Variants in RARRES1 observed in about 807,000 individuals in gnomAD.
RARRES1 encodes the protein retinoic acid receptor responder 1.
Under a neutral mutation model 30.6 loss-of-function variants are expected in RARRES1, and 34 were observed. The ratio of observed to expected loss-of-function variants is 1.11; its 90% CI spans 0.84 to 1.48. The LOEUF (loss-of-function observed/expected upper bound fraction) is 1.48. Among genes scored for constraint, RARRES1 ranks in the 40% most tolerant of loss-of-function variants. The pLI, the probability that RARRES1 is intolerant of heterozygous loss-of-function variation, is 0.00. For synonymous variants in RARRES1, 153 were observed against 155.5 expected, an observed-to-expected ratio of 0.98 and a Z score of 0.12; for missense variants, 373 against 386.5, an observed-to-expected ratio of 0.97 and a Z score of 0.29.
In RARRES1 at chr3:158,732,134, A is replaced by G; in HGVS notation, c.276+6T>C. ...CGCGTGCCCCGGCGCGTCGCTCCGC[A>G]CTCACCCACGCGCGGCCCTCCTGCA... On this transcript the variant is annotated splice_donor_region_variant and intron_variant, in intron 1 of 5. Coordinates refer to ENST00000237696, the MANE Select transcript of RARRES1 (RefSeq NM_206963.2). 2 of 1,359,630 alleles carry G rather than the reference A, an allele frequency of 1.5e-6. No individual in the cohort carries two copies. The highest frequency in any genetic ancestry group is 1.9e-6 in the Non-Finnish European group (2 of 1,064,558). The allele number at this position is 1,359,630 out of a possible 1,614,324, so 84.2% of individuals were successfully genotyped here.
At chr3:158,705,969 T>TG (rs1470255338) in intron 3 of RARRES1, among the ~76,000 whole-genome samples, 1 of 152,206 alleles carries the variant, frequency 6.6e-6, no homozygotes, top group African/African-American at 2.4e-5. Context: ...TTTTATGAGG[T>TG]GACTGTTCAT....
chr3:158,697,303 A>G lies in RARRES1; in HGVS notation c.*375T>C, dbSNP rs914170482. ...TTTAGCAACATAAAATATATTAGCT[A>G]TAGTATGTTCAAAAGAATGAGAAAT... On this transcript the variant is annotated 3_prime_UTR_variant, in exon 6 of 6. Coordinates refer to ENST00000237696, the MANE Select transcript of RARRES1 (RefSeq NM_206963.2). 4 of 161,850 alleles carry G rather than the reference A, an allele frequency of 2.5e-5. No homozygotes were observed. Among genetic ancestry groups the G allele is most frequent in the African/African-American group, 9.6e-5 (4 of 41,816 alleles). The allele number at this position is 161,850 out of a possible 1,614,324, so 10.0% of individuals were successfully genotyped here.
chr3:158,705,809 G>A (rs78713659), intron 3 of RARRES1: 3 of 152,150 alleles, frequency 2.0e-5, no homozygotes, highest in African/African-American at 7.2e-5. Context: ...AAGAAATCAG[G>A]TAGATTTTTT....
In RARRES1 at chr3:158,723,009, T is replaced by C. The variant is rs1170630623; in HGVS notation, c.276+9131A>G. ...CGCTGTGCACCACCCCATGGAGGAG[T>C]CTCCAAAGACATGATTCTGCCCAAA... On this transcript the variant is annotated intron_variant, in intron 1 of 5. Transcript: ENST00000237696. This position sits in a 1 kb window ranked among gnomAD's most constrained non-coding sequence, Gnocchi z 4.4. 6.6e-6 allele frequency among the ~76,000 whole-genome samples: 1 copy of C among 150,420 alleles called. No homozygotes were observed.
intron 1 of RARRES1, 150 bp from the exon 2 acceptor site, chr3:158,714,009 C>T: frequency 1.3e-6 from 1 of 741,642 alleles, no homozygotes; most frequent in Non-Finnish European, 2.2e-6. Context: ...GAAGAAAGAT[C>T]TCAAATTTTG....
chr3:158,732,451 C>T lies in RARRES1; in HGVS notation c.-36G>A, dbSNP rs1251962491. Reference sequence around the variant, plus strand: ...AAGTTGGCTCGGCACCCGACAGACACGGGCTCGGAGCGGGCAGTGCCGGCG... The same window carrying T: ...AAGTTGGCTCGGCACCCGACAGACATGGGCTCGGAGCGGGCAGTGCCGGCG... On this transcript the variant is annotated 5_prime_UTR_variant, in exon 1 of 6. In the 5' UTR this introduces an upstream ATG that the reference lacks. Coordinates refer to ENST00000237696, the MANE Select transcript of RARRES1 (RefSeq NM_206963.2). 5.9e-6 allele frequency: 9 copies of T among 1,517,146 alleles called. No homozygotes were observed. In the Admixed American group the frequency reaches 1.2e-4, roughly 20 times the overall value. The allele number at this position is 1,517,146 out of a possible 1,614,324, so 94.0% of individuals were successfully genotyped here. A position where few individuals can be genotyped will look rare whatever the true frequency, so the allele number is the denominator to read the frequency against.
At chr3:158,711,359 A>AT (rs1397567515) in intron 2 of RARRES1, among the ~76,000 whole-genome samples, 2 of 152,010 alleles carry the variant, frequency 1.3e-5, no homozygotes, top group Non-Finnish European at 2.9e-5. Flanking sequence ...TGCCTTATGA[A>AT]TTAGGTCCTC....
chr3:158,721,240 T>C (rs1443888835), intron 1 of RARRES1, among the ~76,000 whole-genome samples: 1 of 152,084 alleles, frequency 6.6e-6, no homozygotes, highest in Non-Finnish European at 1.5e-5. Context: ...GAGGTTACAA[T>C]GGTGGGTGGG....
At chr3:158,707,303 CA>C (rs1277955653) in intron 3 of RARRES1, among the ~76,000 whole-genome samples, 1 of 151,884 alleles carries the variant, frequency 6.6e-6, no homozygotes, top group Non-Finnish European at 1.5e-5. Context: ...GAGGTTGAGG[CA>C]ATGTGTATAG....
At chr3:158,721,584 C>T (rs1324447595) in intron 1 of RARRES1, among the ~76,000 whole-genome samples, 1 of 152,136 alleles carries the variant, frequency 6.6e-6, no homozygotes, top group Non-Finnish European at 1.5e-5. Flanking sequence ...AGGAGATTGA[C>T]GCCGAGACTA....
At chr3:158,715,819 G>A (rs1727303674) in intron 1 of RARRES1, among the ~76,000 whole-genome samples, 2 of 152,100 alleles carry the variant, frequency 1.3e-5, no homozygotes, top group African/African-American at 2.4e-5. Flanking sequence ...GCTGGACAAG[G>A]CTCCCATGAC....
At chr3:158,730,059 T>G (rs1025270217) in intron 1 of RARRES1, among the ~76,000 whole-genome samples, 1 of 152,118 alleles carries the variant, frequency 6.6e-6, no homozygotes, top group Middle Eastern at 3.4e-3. Context: ...CGGTGGCTCA[T>G]GCCTGTAATC....
intron 4 of RARRES1, among the ~76,000 whole-genome samples, chr3:158,700,321 AATC>A (rs199639500): frequency 0.02 from 3,022 of 152,172 alleles, 37 homozygotes; most frequent in Non-Finnish European, 0.029. Context: ...TTCTGAAGGA[AATC>A]ATGGCAGTCT....
At chr3:158,701,966 G>T (rs779623063) in intron 4 of RARRES1, among the ~76,000 whole-genome samples, 1 of 151,790 alleles carries the variant, frequency 6.6e-6, no homozygotes, top group Non-Finnish European at 1.5e-5. Flanking sequence ...CCCAGACATC[G>T]CAGGGGGAAA....
At position 158,732,455 on chromosome 3, in the gene RARRES1, C is replaced by T. The variant is rs991006241; in HGVS notation, c.-40G>A. 8 of 1,517,156 alleles carry T rather than the reference C, an allele frequency of 5.3e-6. No homozygotes were observed. The Admixed American group carries it at 1.4e-4, about 26-fold the overall frequency. The allele number at this position is 1,517,156 out of a possible 1,614,324, so 94.0% of individuals were successfully genotyped here. A position where few individuals can be genotyped will look rare whatever the true frequency, so the allele number is the denominator to read the frequency against. On this transcript the variant is annotated 5_prime_UTR_variant, in exon 1 of 6. Coordinates refer to ENST00000237696, the MANE Select transcript of RARRES1 (RefSeq NM_206963.2). ...TGGCTCGGCACCCGACAGACACGGG[C>T]TCGGAGCGGGCAGTGCCGGCGCTCG... is the stretch of plus-strand genomic sequence containing the variant.
Position 158,704,878 on chromosome 3 carries a change from A to G in RARRES1, c.585T>C (p.Ala195=). The part of the protein sequence containing the change: ...DPSLRLIWDL[A]FLGSSYVMWE... ...ACATCACGTAAGAGCTTCCAAGGAA[A>G]GCCAAATCCCAGATGAGTCTCAGAG... The change falls in exon 4 of 6, where the codon GCT becomes GCC. Residue 195 remains alanine, a synonymous_variant. Transcript: ENST00000237696. 1 of 1,614,074 alleles carries G rather than the reference A, an allele frequency of 6.2e-7. No individual in the cohort carries two copies. The highest frequency in any genetic ancestry group is 8.5e-7 in the Non-Finnish European group (1 of 1,180,018).
At position 158,732,296 on chromosome 3, in the gene RARRES1, G is replaced by C; in HGVS notation, c.120C>G (p.Ser40=). The change falls in exon 1 of 6, where the codon TCC becomes TCG. Residue 40 remains serine, a synonymous_variant. Transcript: ENST00000237696. ...LLAPVAAPAG[S]GDPDDPGQPQ... ...GCTGCCCAGGGTCGTCGGGGTCCCC[G>C]GACCCCGCGGGCGCCGCCACCGGGG... 1 of 1,344,038 alleles carries C rather than the reference G, an allele frequency of 7.4e-7. No homozygotes were observed. The highest frequency in any genetic ancestry group is 3.1e-5 in the East Asian group (1 of 32,406). 83.3% of individuals were successfully genotyped at this position (1,344,038 alleles called of 1,614,324 possible).
chr3:158,697,013 T>C lies in RARRES1; in HGVS notation c.*665A>G, dbSNP rs1235204109. 6.6e-6 allele frequency: 1 copy of C among 152,220 alleles called. No homozygotes were observed. The highest frequency in any genetic ancestry group is 1.5e-5 in the Non-Finnish European group (1 of 68,034). 9.4% of individuals were successfully genotyped at this position (152,220 alleles called of 1,614,324 possible). A position where few individuals can be genotyped will look rare whatever the true frequency, so the allele number is the denominator to read the frequency against. On this transcript the variant is annotated 3_prime_UTR_variant, in exon 6 of 6. Coordinates refer to ENST00000237696, the MANE Select transcript of RARRES1 (RefSeq NM_206963.2). ...ACAGACGTTCTATTATTTGTAAAAT[T>C]TAAGTTAAGCAATATTACCATTTCA... is the stretch of plus-strand genomic sequence containing the variant.
intron 3 of RARRES1, 86 bp from the exon 4 acceptor site, chr3:158,705,013 C>A: frequency 6.6e-7 from 1 of 1,505,508 alleles, no homozygotes; most frequent in Non-Finnish European, 8.9e-7. Flanking sequence ...AGGGTTTAAA[C>A]TTAGTCATAC....
Sources: gnomAD v4.1 joint callset for allele counts (sites outside exome capture counted in the v4.1 genomes callset) on GRCh38, gnomAD v4.1.1 for gene constraint, Gnocchi (gnomAD v3.1) non-coding constraint, MANE v1.5 for transcripts, NCBI Gene and HGNC (gene_info 2026-07-23, HGNC 2026-07-21) for gene names.